TRHDE: variants seen among roughly 807,000 people sequenced by gnomAD.
The protein encoded by TRHDE is thyrotropin-releasing hormone-degrading ectoenzyme.
TRHDE carries 72 observed loss-of-function variants against 125.7 expected under a neutral mutation model. That is an observed-to-expected ratio of 0.57 (90% confidence interval 0.47 to 0.70). The LOEUF (loss-of-function observed/expected upper bound fraction) is 0.70. Among genes scored for constraint, TRHDE ranks in the 30% least tolerant of loss-of-function variants. The probability of loss-of-function intolerance (pLI) is 0.00; values close to 1 mark genes in which losing one functional copy is unlikely to be tolerated. For missense variants in TRHDE, 1,110 were observed against 1,327.1 expected, an observed-to-expected ratio of 0.84 and a Z score of 2.54; for synonymous variants, 509 against 509.1, an observed-to-expected ratio of 1.00 and a Z score of 0.00.
At chr12:72,136,372 C>G (rs1875985528) in intron 2 of TRHDE, among the ~76,000 whole-genome samples, 1 of 152,194 alleles carries the variant, frequency 6.6e-6, no homozygotes, top group Non-Finnish European at 1.5e-5. Flanking sequence ...TCTTCATAGA[C>G]TCCGTAATTT....
intron 17 of TRHDE, among the ~76,000 whole-genome samples, chr12:72,656,071 C>G (rs955100411): frequency 8.8e-6 from 1 of 113,656 alleles, no homozygotes; most frequent in African/African-American, 3.3e-5. Flanking sequence ...AACCCAGAGT[C>G]TTATTTTTAT....
chr12:72,121,287 T>G (rs915815918), intron 2 of TRHDE, among the ~76,000 whole-genome samples: 6 of 152,192 alleles, frequency 3.9e-5, no homozygotes, highest in South Asian at 2.1e-4. Context: ...CACCAAGACT[T>G]GTACAGGAAT....
intron 3 of TRHDE, among the ~76,000 whole-genome samples, chr12:72,428,274 AG>A (rs1407142541): frequency 3.3e-5 from 5 of 152,080 alleles, no homozygotes; most frequent in Non-Finnish European, 5.9e-5. Flanking sequence ...GCATATTGTA[AG>A]ATTTGGATAT....
intron 3 of TRHDE, among the ~76,000 whole-genome samples, chr12:72,402,438 T>C (rs1272112444): frequency 6.6e-6 from 1 of 152,194 alleles, no homozygotes; most frequent in Non-Finnish European, 1.5e-5. Flanking sequence ...ATGGTGGCCA[T>C]CTTTGGTGTT....
At chr12:72,118,027 T>C (rs532165733) in intron 2 of TRHDE, among the ~76,000 whole-genome samples, 65 of 152,220 alleles carry the variant, frequency 4.3e-4, no homozygotes, top group Admixed American at 9.2e-4. Context: ...ACGAGGATAA[T>C]TGACTTTTTC....
intron 3 of TRHDE, among the ~76,000 whole-genome samples, chr12:72,384,417 A>G (rs1872325514): frequency 6.6e-6 from 1 of 152,096 alleles, no homozygotes; most frequent in South Asian, 2.1e-4. Context: ...TGAATTAGAG[A>G]CTCGCACAAT....
intron 3 of TRHDE, among the ~76,000 whole-genome samples, chr12:72,418,725 T>A (rs532705134): frequency 6.6e-6 from 1 of 152,126 alleles, no homozygotes; most frequent in South Asian, 2.1e-4. Flanking sequence ...CACCAATAAT[T>A]GGAAAACATT....
chr12:72,506,725 A>G (rs193040651), intron 6 of TRHDE, among the ~76,000 whole-genome samples: 1 of 152,190 alleles, frequency 6.6e-6, no homozygotes, highest in East Asian at 1.9e-4. Flanking sequence ...GTGGATGGCA[A>G]CTCCAAGCTC....
intron 2 of TRHDE, among the ~76,000 whole-genome samples, chr12:72,299,804 A>G (rs1880436811): frequency 1.3e-5 from 2 of 152,138 alleles, no homozygotes; most frequent in Admixed American, 1.3e-4. Context: ...AGATAAACAT[A>G]CTATCATGCA....
At chr12:72,375,893 C>G (rs1454671841) in intron 2 of TRHDE, among the ~76,000 whole-genome samples, 4 of 152,206 alleles carry the variant, frequency 2.6e-5, no homozygotes, top group Non-Finnish European at 4.4e-5. Flanking sequence ...TTAATGAAGA[C>G]TGTCTCTTGT....
chr12:72,659,882 C>T (rs1874849880), intron 18 of TRHDE, among the ~76,000 whole-genome samples: 1 of 152,212 alleles, frequency 6.6e-6, no homozygotes, highest in African/African-American at 2.4e-5. Context: ...ATTCTCCCCG[C>T]TTGCGGAGAC....
At chr12:72,306,086 T>G (rs560018034) in intron 2 of TRHDE, among the ~76,000 whole-genome samples, 1 of 152,340 alleles carries the variant, frequency 6.6e-6, no homozygotes, top group East Asian at 1.9e-4. Context: ...CTCTGCTGCC[T>G]TATGGCCAAG....
intron 2 of TRHDE, among the ~76,000 whole-genome samples, chr12:72,159,503 G>C (rs1876590616): frequency 6.6e-6 from 1 of 152,162 alleles, no homozygotes; most frequent in African/African-American, 2.4e-5. Flanking sequence ...CTTCTTAGCA[G>C]TTTTGTATTT....
At chr12:72,440,769 T>C (rs1051034407) in intron 3 of TRHDE, among the ~76,000 whole-genome samples, 2 of 151,800 alleles carry the variant, frequency 1.3e-5, no homozygotes, top group Non-Finnish European at 2.9e-5. Context: ...GTGGTATGCT[T>C]GGAACATCAG....
At chr12:72,250,699 A>T (rs1184522351) in intron 2 of TRHDE, among the ~76,000 whole-genome samples, 1 of 151,904 alleles carries the variant, frequency 6.6e-6, no homozygotes, top group Non-Finnish European at 1.5e-5. Context: ...TTCAGAGTAG[A>T]TCTGAGGATT....
chr12:72,561,798 C>A lies in TRHDE; in HGVS notation c.1789-367C>A, dbSNP rs979118859. On this transcript the variant is annotated intron_variant, in intron 7 of 18. Coordinates refer to ENST00000261180, the MANE Select transcript of TRHDE (RefSeq NM_013381.3). ...TTTTTTTCATAAAATATTTCTTTTTCAACACTTTAACGCAAAAGCCTGATG... is the reference window on the plus strand; with the variant it reads ...TTTTTTTCATAAAATATTTCTTTTTAAACACTTTAACGCAAAAGCCTGATG... Among the ~76,000 whole-genome samples, 3 of 151,960 alleles carry A rather than the reference C, an allele frequency of 2.0e-5. No homozygotes were observed. In the East Asian group the frequency reaches 5.8e-4, roughly 29 times the overall value.
intron 2 of TRHDE, 150 bp downstream of exon 2, chr12:72,287,104 T>A: frequency 1.1e-6 from 1 of 893,336 alleles, no homozygotes; most frequent in South Asian, 1.9e-5. Flanking sequence ...TTTTTACATA[T>A]TTTACTAGTT....
At chr12:72,654,340 G>GTGTT (rs1798096106) in intron 17 of TRHDE, among the ~76,000 whole-genome samples, 1 of 152,074 alleles carries the variant, frequency 6.6e-6, no homozygotes, top group South Asian at 2.1e-4. Flanking sequence ...AAATACGATG[G>GTGTT]TGTTTACACT....
At chr12:72,397,290 G>A (rs7966773) in intron 3 of TRHDE, among the ~76,000 whole-genome samples, 32 of 151,984 alleles carry the variant, frequency 2.1e-4, no homozygotes, top group South Asian at 6.2e-4. Context: ...CCACATTTTC[G>A]CTGCTATTCC....
Sources: allele counts gnomAD v4.1 joint callset (sites outside exome capture counted in the v4.1 genomes callset), GRCh38; gene constraint gnomAD v4.1.1; transcripts MANE v1.5; gene names NCBI Gene and HGNC (gene_info 2026-07-23, HGNC 2026-07-21).